The following PDE8B variants were observed in gnomAD, a reference collection of about 807,000 sequenced individuals.
PDE8B encodes the protein high affinity cAMP-specific and IBMX-insensitive 3',5'-cyclic phosphodiesterase 8B.
A neutral mutation model predicts 101.3 loss-of-function variants in PDE8B; 26 were observed. The ratio of observed to expected loss-of-function variants is 0.26; its 90% CI spans 0.19 to 0.36. PDE8B has a LOEUF of 0.36. PDE8B is among the 10% of genes least tolerant of loss of function. The pLI, the probability that PDE8B is intolerant of heterozygous loss-of-function variation, is 1.00. For missense variants in PDE8B, 810 were observed against 1,163.1 expected (o/e 0.70, Z 4.42); for synonymous variants, 424 against 429.3 (o/e 0.99, Z 0.15).
intron 12 of PDE8B, among the ~76,000 whole-genome samples, chr5:77,406,274 T>A (rs1793419970): frequency 6.6e-6 from 1 of 151,696 alleles, no homozygotes; most frequent in Admixed American, 6.6e-5. Context: ...CGAAACTCCA[T>A]CTCAAAATAA....
At chr5:77,300,253 A>C (rs1769611867) in intron 1 of PDE8B, among the ~76,000 whole-genome samples, 1 of 152,250 alleles carries the variant, frequency 6.6e-6, no homozygotes, top group African/African-American at 2.4e-5. Context: ...TTCTGTAGCC[A>C]AGAGAAGAGG....
chr5:77,290,140 T>C lies in PDE8B; in HGVS notation c.340-21854T>C, dbSNP rs549919944. On this transcript the variant is annotated intron_variant, in intron 1 of 21. Transcript: ENST00000264917. ...AAGTATTATTACCCCTAGTTCCACG[T>C]GTGGAAAATGAATTCCAATCTGGTC... 19 of 1,189,992 alleles carry C rather than the reference T, an allele frequency of 1.6e-5. No individual in the cohort carries two copies. The East Asian group carries it at 4.6e-4, about 29-fold the overall frequency. The allele number at this position is 1,189,992 out of a possible 1,614,324, so 73.7% of individuals were successfully genotyped here.
intron 1 of PDE8B, among the ~76,000 whole-genome samples, chr5:77,304,483 CT>C (rs574594897): frequency 1.7e-3 from 252 of 152,080 alleles, no homozygotes; most frequent in Non-Finnish European, 2.5e-3. Flanking sequence ...GCCTTTTTCT[CT>C]TTTATTACAG....
intron 10 of PDE8B, among the ~76,000 whole-genome samples, chr5:77,399,146 G>A (rs1354576761): frequency 1.3e-5 from 2 of 152,246 alleles, no homozygotes; most frequent in African/African-American, 4.8e-5. Flanking sequence ...AGGCAAGAAT[G>A]CTATGTGAAT....
At chr5:77,219,010 C>G (rs1750452037) in intron 1 of PDE8B, among the ~76,000 whole-genome samples, 1 of 152,196 alleles carries the variant, frequency 6.6e-6, no homozygotes, top group African/African-American at 2.4e-5. Flanking sequence ...TTGTCTGCTT[C>G]ACTTGGATTT....
chr5:77,147,050 C>T, the PDE8B span: 1 of 439,590 alleles, frequency 2.3e-6, no homozygotes, highest in South Asian at 1.8e-5. Context: ...AGGATATTGC[C>T]TCATACTGAG....
At chr5:77,374,898 T>C (rs964263921) in intron 10 of PDE8B, among the ~76,000 whole-genome samples, 10 of 152,204 alleles carry the variant, frequency 6.6e-5, no homozygotes, top group African/African-American at 2.4e-4. Flanking sequence ...TGGCCTCAGC[T>C]GTCTCCCTCT....
At chr5:77,269,985 A>AT (rs994398843) in intron 1 of PDE8B, among the ~76,000 whole-genome samples, 1 of 151,722 alleles carries the variant, frequency 6.6e-6, no homozygotes, top group African/African-American at 2.4e-5. Flanking sequence ...AAATTTTAGG[A>AT]TTTTTTTCTC....
At chr5:77,415,613 C>T (rs1795380491) in intron 17 of PDE8B, among the ~76,000 whole-genome samples, 1 of 152,154 alleles carries the variant, frequency 6.6e-6, no homozygotes, top group South Asian at 2.1e-4. Context: ...CCCACCTCGA[C>T]CTCCCAAACT....
At chr5:77,323,742 A>T (rs906321817) in intron 2 of PDE8B, among the ~76,000 whole-genome samples, 8 of 152,280 alleles carry the variant, frequency 5.3e-5, no homozygotes, top group Middle Eastern at 3.4e-3. Flanking sequence ...GCGGATCATG[A>T]GGTCAGGAGT....
At chr5:77,270,578 T>C (rs1762578849) in intron 1 of PDE8B, among the ~76,000 whole-genome samples, 1 of 152,210 alleles carries the variant, frequency 6.6e-6, no homozygotes, top group South Asian at 2.1e-4. Context: ...TTGATGGTAT[T>C]TGGCTGAGGG....
chr5:77,222,295 C>G (rs541448079), intron 1 of PDE8B, among the ~76,000 whole-genome samples: 34 of 152,098 alleles, frequency 2.2e-4, no homozygotes, highest in Admixed American at 3.9e-4. Flanking sequence ...CTGCCTTATA[C>G]TAAGGCGCTA....
chr5:77,100,965 C>CTTTTTTT, the PDE8B span, among the ~76,000 whole-genome samples: 5 of 124,412 alleles, frequency 4.0e-5, no homozygotes, highest in South Asian at 2.7e-4. Flanking sequence ...ATTTTTTTTC[C>CTTTTTTT]TTTTTTTTTT....
At chr5:77,199,567 G>T in the PDE8B span, among the ~76,000 whole-genome samples, 3 of 152,130 alleles carry the variant, frequency 2.0e-5, no homozygotes, top group Non-Finnish European at 2.9e-5. Flanking sequence ...TTGTCTTTTA[G>T]ATCTCCATGA....
the PDE8B span, among the ~76,000 whole-genome samples, chr5:77,161,537 A>G: frequency 6.6e-6 from 1 of 152,162 alleles, no homozygotes. Context: ...TTTTGGTCTC[A>G]TGAGTAAGGC....
In PDE8B at chr5:77,427,070, A is replaced by G. The variant is rs459366; in HGVS notation, c.*516A>G. ...AAAAAAACGACATAAAATAAGTGAA[A>G]CAACTAGGACCAAATTACAGATAAA... is the stretch of plus-strand genomic sequence containing the variant. On this transcript the variant is annotated 3_prime_UTR_variant, in exon 22 of 22. Coordinates refer to ENST00000264917, the MANE Select transcript of PDE8B (RefSeq NM_003719.5). 0.23 allele frequency: 37,477 copies of G among 160,738 alleles called. 6,443 individuals are homozygous for G. Among genetic ancestry groups the G allele is most frequent in the African/African-American group, 0.46 (19,222 of 41,374 alleles). The allele number at this position is 160,738 out of a possible 1,614,324, so 10.0% of individuals were successfully genotyped here.
At chr5:77,382,849 T>G (rs1787771081) in intron 10 of PDE8B, among the ~76,000 whole-genome samples, 1 of 152,214 alleles carries the variant, frequency 6.6e-6, no homozygotes, top group Admixed American at 6.5e-5. Context: ...GATGGGCATT[T>G]GGGTTGGTTC....
intron 1 of PDE8B, among the ~76,000 whole-genome samples, chr5:77,229,323 C>T (rs1243066779): frequency 2.0e-5 from 3 of 152,216 alleles, no homozygotes; most frequent in Non-Finnish European, 1.5e-5. Flanking sequence ...GTGGGACACG[C>T]ATTCACTAGT....
At chr5:77,196,756 T>A in the PDE8B span, among the ~76,000 whole-genome samples, 1 of 152,186 alleles carries the variant, frequency 6.6e-6, no homozygotes, top group African/African-American at 2.4e-5. Context: ...AATGTTTGTG[T>A]AGGGTTAGTA....
Sources: allele counts gnomAD v4.1 joint callset (sites outside exome capture counted in the v4.1 genomes callset), GRCh38; gene constraint gnomAD v4.1.1; transcripts MANE v1.5; gene names NCBI Gene and HGNC (gene_info 2026-07-23, HGNC 2026-07-21).